The following DGKG variants were observed in gnomAD, a reference collection of about 807,000 sequenced individuals.
DGKG encodes diacylglycerol kinase gamma, also known as DAG kinase gamma.
Under a neutral mutation model 105.3 loss-of-function variants are expected in DGKG, and 78 were observed. That is an observed-to-expected ratio of 0.74 (90% confidence interval 0.62 to 0.89). The LOEUF (loss-of-function observed/expected upper bound fraction) is 0.89. DGKG is among the 40% of genes least tolerant of loss of function. The pLI is 0.00. For synonymous variants in DGKG, 346 were observed against 367.1 expected (o/e 0.94, Z 0.66); for missense variants, 958 against 1,020.1 (o/e 0.94, Z 0.83).
At position 186,215,092 on chromosome 3, in the gene DGKG, C is replaced by T. The variant is rs114230437; in HGVS notation, c.1827-3207G>A. On this transcript the variant is annotated intron_variant, in intron 20 of 24. Coordinates refer to ENST00000265022, the MANE Select transcript of DGKG (RefSeq NM_001346.3). Reference sequence around the variant, plus strand: ...GGAGCAAGACTGTGAAGGGTGGGCACGCCACACTCAGGGGTTTGTGCTTTA... The same window carrying T: ...GGAGCAAGACTGTGAAGGGTGGGCATGCCACACTCAGGGGTTTGTGCTTTA... Among the ~76,000 whole-genome samples the T allele has an allele frequency of 7.9e-3, 1,196 of 152,206 alleles. 16 individuals are homozygous for T. Among genetic ancestry groups the T allele is most frequent in the South Asian group, 0.025 (123 of 4,828 alleles).
At chr3:186,189,174 C>T (rs1224314677) in intron 21 of DGKG, among the ~76,000 whole-genome samples, 1 of 152,196 alleles carries the variant, frequency 6.6e-6, no homozygotes, top group African/African-American at 2.4e-5. Flanking sequence ...AGACTTTAAG[C>T]TTTGGAAGGC....
At chr3:186,246,911 T>A (rs189234056) in intron 19 of DGKG, among the ~76,000 whole-genome samples, 6 of 152,322 alleles carry the variant, frequency 3.9e-5, no homozygotes, top group African/African-American at 1.4e-4. Context: ...AGGGATTAGC[T>A]GTTCACCCGT....
rs1055767785 is a variant in DGKG at position 186,231,584 on chromosome 3, T to C, written c.1826+10920A>G. Among the ~76,000 whole-genome samples, 1 of 152,180 alleles carries C rather than the reference T, an allele frequency of 6.6e-6. No homozygotes were observed. The highest frequency in any genetic ancestry group is 2.4e-5 in the African/African-American group (1 of 41,442). ...GATTACATTGGGAAAACCACCTTTC[T>C]AAACACTTTAATAAATGAGCTCATG... On this transcript the variant is annotated intron_variant, in intron 20 of 24. Coordinates refer to ENST00000265022, the MANE Select transcript of DGKG (RefSeq NM_001346.3). This position sits in a 1 kb window ranked among gnomAD's most constrained non-coding sequence, Gnocchi z 4.5.
chr3:186,169,490 C>T (rs1211013953), intron 22 of DGKG, among the ~76,000 whole-genome samples: 1 of 152,172 alleles, frequency 6.6e-6, no homozygotes, highest in Non-Finnish European at 1.5e-5. Context: ...TGCTCACATT[C>T]CCTGGTTTGA....
At chr3:186,349,007 G>A (rs1346702657) in intron 1 of DGKG, among the ~76,000 whole-genome samples, 3 of 151,062 alleles carry the variant, frequency 2.0e-5, no homozygotes, top group East Asian at 1.9e-4. Context: ...TTAAATTTAA[G>A]TTCTGGGATA....
chr3:186,187,831 C>T (rs1196831884), intron 22 of DGKG, among the ~76,000 whole-genome samples: 1 of 152,136 alleles, frequency 6.6e-6, no homozygotes, highest in African/African-American at 2.4e-5. Context: ...GTGGACCAAG[C>T]GTTTCCAGGA....
At position 186,288,829 on chromosome 3, in the gene DGKG, G is replaced by T. The variant is rs1004588; in HGVS notation, c.425C>A (p.Thr142Asn). 6.2e-6 allele frequency: 10 copies of T among 1,607,274 alleles called. No homozygotes were observed. The highest frequency in any genetic ancestry group is 8.5e-6 in the Non-Finnish European group (10 of 1,177,108). ...CCGAGGGACGGGGGGTTCCAGGGGGGTCGCAGCCACTTGGTCTTCAGCTGG... is the reference window on the plus strand; with the variant it reads ...CCGAGGGACGGGGGGTTCCAGGGGGTTCGCAGCCACTTGGTCTTCAGCTGG... The part of the protein sequence containing the change: ...QAPAEDQVAA[T>N]PLEPPVPRSS... The change falls in exon 6 of 25, where the codon ACC (threonine) becomes AAC (asparagine). Residue 142 changes from threonine to asparagine, a missense_variant. Thr to Asn is a moderately conservative substitution (Grantham distance 65, BLOSUM62 0). Coordinates refer to ENST00000265022, the MANE Select transcript of DGKG (RefSeq NM_001346.3).
At chr3:186,277,723 T>C (rs1248862601) in intron 9 of DGKG, among the ~76,000 whole-genome samples, 1 of 152,192 alleles carries the variant, frequency 6.6e-6, no homozygotes, top group African/African-American at 2.4e-5. Flanking sequence ...CATGTGGCTC[T>C]TTCCTTTCCA....
intron 21 of DGKG, among the ~76,000 whole-genome samples, chr3:186,205,845 TG>T (rs1718705771): frequency 6.6e-6 from 1 of 152,130 alleles, no homozygotes; most frequent in South Asian, 2.1e-4. Context: ...AAGACTTTTC[TG>T]TATTAAAAAA....
In DGKG at chr3:186,231,052, G is replaced by A. The variant is rs920504880; in HGVS notation, c.1826+11452C>T. On this transcript the variant is annotated intron_variant, in intron 20 of 24. Coordinates refer to ENST00000265022, the MANE Select transcript of DGKG (RefSeq NM_001346.3). The surrounding 1 kb of genome is among the most constrained non-coding windows in gnomAD (Gnocchi z 4.5). ...TCCAAAAGAGAATTCTTTACTTTTA[G>A]AGCACATTTTTTCCCTCTCTCATTC... 3.9e-5 allele frequency among the ~76,000 whole-genome samples: 6 copies of A among 152,144 alleles called. No individual in the cohort carries two copies. Among genetic ancestry groups the A allele is most frequent in the Admixed American group, 3.9e-4 (6 of 15,274 alleles).
chr3:186,262,635 G>T (rs1247406730), intron 14 of DGKG, among the ~76,000 whole-genome samples: 2 of 152,194 alleles, frequency 1.3e-5, no homozygotes, highest in African/African-American at 4.8e-5. Context: ...TGGCATCAAA[G>T]GCCTTTTCAG....
At chr3:186,345,134 T>C (rs969711323) in intron 1 of DGKG, among the ~76,000 whole-genome samples, 5 of 152,220 alleles carry the variant, frequency 3.3e-5, no homozygotes, top group South Asian at 2.1e-4. Context: ...TCTTCACTTA[T>C]AGAAAACAAT....
Position 186,221,672 on chromosome 3 carries a change from G to A in DGKG, c.1827-9787C>T, listed in dbSNP as rs1719587838. ...ATCTGAAGGCGGTGGGGACAGTGAA[G>A]ATACAGGTGGGTGAGGCCTCGTGTT... is the stretch of plus-strand genomic sequence containing the variant. On this transcript the variant is annotated intron_variant, in intron 20 of 24. Coordinates refer to ENST00000265022, the MANE Select transcript of DGKG (RefSeq NM_001346.3). 3.3e-5 allele frequency among the ~76,000 whole-genome samples: 5 copies of A among 152,216 alleles called. No homozygotes were observed. In the South Asian group the frequency reaches 1.0e-3, roughly 32 times the overall value.
At chr3:186,227,166 G>T (rs956784820) in intron 20 of DGKG, among the ~76,000 whole-genome samples, 11 of 152,182 alleles carry the variant, frequency 7.2e-5, no homozygotes, top group African/African-American at 2.7e-4. Flanking sequence ...ATTACAGACA[G>T]GAATCATGAC....
At chr3:186,308,651 T>C (rs138908743) in intron 2 of DGKG, among the ~76,000 whole-genome samples, 5 of 152,194 alleles carry the variant, frequency 3.3e-5, no homozygotes, top group African/African-American at 1.2e-4. Context: ...AATGCTTCTG[T>C]TGCCTAAAAA....
chr3:186,260,353 GAAAA>G (rs879789363), intron 16 of DGKG, 82 bp downstream of exon 16: 1 of 980,942 alleles, frequency 1.0e-6, no homozygotes, highest in African/African-American at 1.6e-5. Flanking sequence ...AGAGACGAAA[GAAAA>G]AAAAGGTGAC....
At chr3:186,282,527 T>C (rs1244745944) in intron 7 of DGKG, among the ~76,000 whole-genome samples, 1 of 152,192 alleles carries the variant, frequency 6.6e-6, no homozygotes, top group Non-Finnish European at 1.5e-5. Flanking sequence ...TCCTAACCAG[T>C]ATCCCTGCTT....
At chr3:186,350,982 A>G (rs1001309426) in intron 1 of DGKG, among the ~76,000 whole-genome samples, 1 of 152,096 alleles carries the variant, frequency 6.6e-6, no homozygotes, top group Non-Finnish European at 1.5e-5. Context: ...TTCTCTATAT[A>G]TTCTGGACTT....
intron 1 of DGKG, among the ~76,000 whole-genome samples, chr3:186,358,685 C>T (rs1167551009): frequency 6.6e-6 from 1 of 150,788 alleles, no homozygotes; most frequent in Non-Finnish European, 1.5e-5. Context: ...CAGACAAACT[C>T]TGTTACTTAT....
Sources: gnomAD v4.1 joint callset for allele counts (sites outside exome capture counted in the v4.1 genomes callset) on GRCh38, gnomAD v4.1.1 for gene constraint, Gnocchi (gnomAD v3.1) non-coding constraint, MANE v1.5 for transcripts, NCBI Gene and HGNC (gene_info 2026-07-23, HGNC 2026-07-21) for gene names.